DPP6: variants seen among roughly 807,000 people sequenced by gnomAD.
The protein encoded by DPP6 is dipeptidyl peptidase like 6.
In DPP6, 69 loss-of-function variants were observed where a neutral mutation model predicts 122.6. The observed-to-expected ratio is 0.56, with a 90% CI of 0.46 to 0.69. The LOEUF (loss-of-function observed/expected upper bound fraction) is 0.69, where lower values mean the gene tolerates loss of function less well. Among genes scored for constraint, DPP6 ranks in the 30% least tolerant of loss-of-function variants. DPP6 has a pLI of 0.00. For missense variants in DPP6, 928 were observed against 1,116.9 expected (o/e 0.83, Z 2.41); for synonymous variants, 418 against 433.1 (o/e 0.97, Z 0.43).
intron 8 of DPP6, among the ~76,000 whole-genome samples, chr7:154,766,292 C>T (rs1029071160): frequency 6.6e-6 from 1 of 152,072 alleles, no homozygotes; most frequent in African/African-American, 2.4e-5. Flanking sequence ...CCCGATGACC[C>T]AATGGTCGCT....
chr7:154,463,721 A>G (rs1821534722), intron 2 of DPP6, among the ~76,000 whole-genome samples: 1 of 151,708 alleles, frequency 6.6e-6, no homozygotes, highest in African/African-American at 2.4e-5. Context: ...CATTCAAGGC[A>G]GGCACAGGGT....
intron 1 of DPP6, among the ~76,000 whole-genome samples, chr7:154,231,219 G>A (rs1200582988): frequency 6.6e-6 from 1 of 152,180 alleles, no homozygotes; most frequent in Non-Finnish European, 1.5e-5. Context: ...TCTTGGAAAT[G>A]ATGTCTTTGA....
At chr7:154,439,504 G>A (rs980538871) in intron 1 of DPP6, among the ~76,000 whole-genome samples, 6 of 152,154 alleles carry the variant, frequency 3.9e-5, no homozygotes, top group Non-Finnish European at 7.4e-5. Context: ...TAGAACCAAA[G>A]TAGACTGAGC....
upstream of DPP6, among the ~76,000 whole-genome samples, chr7:153,884,506 G>A (rs1425744448): frequency 1.3e-5 from 2 of 152,148 alleles, no homozygotes; most frequent in Non-Finnish European, 2.9e-5. Flanking sequence ...AATACCATTT[G>A]ACCCAGCCAT....
At chr7:154,541,111 G>A (rs1339420821) in intron 4 of DPP6, among the ~76,000 whole-genome samples, 6 of 152,036 alleles carry the variant, frequency 3.9e-5, no homozygotes, top group East Asian at 1.9e-4. Context: ...TTTATGATTT[G>A]GGAAAACTTG....
chr7:154,553,773 C>T (rs145302070), intron 4 of DPP6, among the ~76,000 whole-genome samples: 3 of 152,064 alleles, frequency 2.0e-5, no homozygotes, highest in South Asian at 2.1e-4. Flanking sequence ...AGGAAGCCAC[C>T]GCTTCAAACA....
intron 1 of DPP6, among the ~76,000 whole-genome samples, chr7:154,301,985 T>C (rs1160625533): frequency 6.6e-6 from 1 of 151,920 alleles, no homozygotes; most frequent in Non-Finnish European, 1.5e-5. Context: ...GCCCGGCTAA[T>C]TTTTTGCATT....
At chr7:154,805,240 C>T (rs1244768807) in intron 15 of DPP6, among the ~76,000 whole-genome samples, 2 of 152,178 alleles carry the variant, frequency 1.3e-5, no homozygotes, top group East Asian at 1.9e-4. Context: ...GACTTTAACC[C>T]GTCTTTCCTT....
intron 3 of DPP6, among the ~76,000 whole-genome samples, chr7:154,490,057 A>G (rs1824141200): frequency 6.6e-6 from 1 of 152,202 alleles, no homozygotes; most frequent in East Asian, 1.9e-4. Flanking sequence ...CACCAGTGTT[A>G]CAGATCAGGG....
chr7:154,083,373 C>T (rs564893026), intron 1 of DPP6, among the ~76,000 whole-genome samples: 25 of 152,192 alleles, frequency 1.6e-4, no homozygotes, highest in Admixed American at 1.0e-3. Context: ...CTTTCCTCCT[C>T]TTATTTATCT....
chr7:154,812,226 ACT>A (rs1173770068), intron 16 of DPP6, among the ~76,000 whole-genome samples: 1 of 152,166 alleles, frequency 6.6e-6, no homozygotes, highest in Admixed American at 6.5e-5. Flanking sequence ...TGAAATTATA[ACT>A]GTTTCATATA....
rs1837789289 is a variant in DPP6, at chr7:154,662,469, CGT to C, written c.681-6890_681-6889del. ...TGGTGAATCACCATGGCGTATCAGC[CGT>C]AGTGTTCATATAGTCATGGTGAATC... On this transcript the variant is annotated intron_variant, in intron 6 of 25. Transcript: ENST00000377770. 5.0e-5 allele frequency among the ~76,000 whole-genome samples: 4 copies of C among 80,006 alleles called. No homozygotes were observed. In the Admixed American group the frequency reaches 5.1e-4, roughly 10 times the overall value. 52.5% of individuals were successfully genotyped at this position (80,006 alleles called of 152,430 possible). A position where few individuals can be genotyped will look rare whatever the true frequency, so the allele number is the denominator to read the frequency against.
chr7:153,914,456 AG>A (rs1312122983), intron 1 of DPP6, among the ~76,000 whole-genome samples: 1 of 152,188 alleles, frequency 6.6e-6, no homozygotes, highest in Non-Finnish European at 1.5e-5. Flanking sequence ...TTTTCTCTTC[AG>A]TAGGAGCCCT....
intron 4 of DPP6, among the ~76,000 whole-genome samples, chr7:154,555,877 T>C (rs1830001779): frequency 6.6e-6 from 1 of 151,990 alleles, no homozygotes; most frequent in Non-Finnish European, 1.5e-5. Context: ...TTTGAAAACA[T>C]TAAAAAAATT....
At chr7:154,388,117 C>T (rs1347499092) in intron 1 of DPP6, among the ~76,000 whole-genome samples, 1 of 152,096 alleles carries the variant, frequency 6.6e-6, no homozygotes, top group Non-Finnish European at 1.5e-5. Flanking sequence ...GCCTGGGCAA[C>T]ATGACGGAAC....
At chr7:154,646,069 T>C (rs1158784849) in intron 6 of DPP6, among the ~76,000 whole-genome samples, 3 of 146,016 alleles carry the variant, frequency 2.1e-5, no homozygotes, top group Non-Finnish European at 4.5e-5. Context: ...GCTCTATTCA[T>C]GGTGGACACC....
chr7:154,375,286 G>A (rs1176033535), intron 1 of DPP6, among the ~76,000 whole-genome samples: 2 of 152,038 alleles, frequency 1.3e-5, no homozygotes, highest in African/African-American at 4.8e-5. Context: ...CTATATGCCT[G>A]GCACACCCCA....
chr7:153,887,607 CTACTT>C lies in DPP6; in HGVS notation c.-74_-70del. ...CCATCCAGTCTTCAGCCAGTCCAGT[CTACTT>C]TAATCCTCACCAGGACAATGGATTA... On this transcript the variant is annotated 5_prime_UTR_variant, in exon 1 of 26. Transcript: ENST00000404039. 2.6e-6 allele frequency: 4 copies of C among 1,555,838 alleles called. 1 individual carries two copies. The African/African-American group carries it at 4.1e-5, about 16-fold the overall frequency.
intron 17 of DPP6, among the ~76,000 whole-genome samples, chr7:154,867,588 A>G (rs1005405493): frequency 6.6e-6 from 1 of 152,144 alleles, no homozygotes; most frequent in Non-Finnish European, 1.5e-5. Flanking sequence ...GTTTCTACCC[A>G]CCTTTCCTTT....
Sources: gnomAD v4.1 joint callset for allele counts (sites outside exome capture counted in the v4.1 genomes callset) on GRCh38, gnomAD v4.1.1 for gene constraint, MANE v1.5 for transcripts, NCBI Gene and HGNC (gene_info 2026-07-23, HGNC 2026-07-21) for gene names.